The following PSD3 variants were observed in gnomAD, a reference collection of about 807,000 sequenced individuals.
PSD3 encodes pleckstrin and Sec7 domain containing 3.
PSD3 carries 49 observed loss-of-function variants against 105.5 expected under a neutral mutation model. That is an observed-to-expected ratio of 0.46 (90% CI 0.37 to 0.59). The LOEUF (loss-of-function observed/expected upper bound fraction) is 0.59, where lower values mean the gene tolerates loss of function less well. Among genes scored for constraint, PSD3 ranks in the 20% least tolerant of loss-of-function variants. The pLI is 0.00. For synonymous variants in PSD3, 557 were observed against 457.8 expected (o/e 1.22, Z -2.77); for missense variants, 1,561 against 1,263.8 (o/e 1.24, Z -3.57).
At chr8:18,763,004 A>G in intron 9 of PSD3, 1 of 938,062 alleles carries the variant, frequency 1.1e-6, no homozygotes, top group Non-Finnish European at 1.5e-6. Context: ...TGGTTTCAGC[A>G]TCTTCTCCAA....
intron 2 of PSD3, among the ~76,000 whole-genome samples, chr8:18,896,822 T>A (rs1819180439): frequency 6.6e-6 from 1 of 152,112 alleles, no homozygotes; most frequent in South Asian, 2.1e-4. Flanking sequence ...TGTTTTGTTT[T>A]GTTTTGAGAC....
chr8:19,048,321 T>G (rs910667399), intron 1 of PSD3, among the ~76,000 whole-genome samples: 13 of 152,184 alleles, frequency 8.5e-5, no homozygotes, highest in African/African-American at 3.1e-4. Flanking sequence ...CCTAAAGATG[T>G]TTTTTATGGG....
At chr8:19,074,026 G>T in intron 1 of PSD3, among the ~76,000 whole-genome samples, 1 of 152,006 alleles carries the variant, frequency 6.6e-6, no homozygotes, top group East Asian at 1.9e-4. Flanking sequence ...TCCTGACCTC[G>T]TGATCCGCCC....
chr8:18,783,039 T>A (rs1234048682), intron 8 of PSD3, among the ~76,000 whole-genome samples: 2 of 152,352 alleles, frequency 1.3e-5, no homozygotes, highest in Middle Eastern at 3.4e-3. Flanking sequence ...AAAGTGTTAC[T>A]CTTTTTTTCT....
chr8:18,602,538 A>C (rs943257025), intron 11 of PSD3, among the ~76,000 whole-genome samples: 1 of 152,298 alleles, frequency 6.6e-6, no homozygotes, highest in Middle Eastern at 3.4e-3. Flanking sequence ...AAAGATAACT[A>C]GGGAGCAATT....
At chr8:18,698,025 C>T (rs1801358483) in intron 9 of PSD3, among the ~76,000 whole-genome samples, 2 of 152,158 alleles carry the variant, frequency 1.3e-5, no homozygotes, top group Non-Finnish European at 2.9e-5. Flanking sequence ...AGAGAATTTG[C>T]AGATGTGAAT....
intron 9 of PSD3, among the ~76,000 whole-genome samples, chr8:18,679,388 C>T (rs1800256219): frequency 6.6e-6 from 1 of 152,204 alleles, no homozygotes; most frequent in African/African-American, 2.4e-5. Flanking sequence ...TTTTAAAAAG[C>T]AATGGATTAG....
chr8:18,874,300 TA>T (rs1026770781), intron 2 of PSD3, among the ~76,000 whole-genome samples: 112 of 152,128 alleles, frequency 7.4e-4, no homozygotes, highest in African/African-American at 2.6e-3. Context: ...TAGCTGGGAC[TA>T]CAGGTGCGTG....
intron 10 of PSD3, among the ~76,000 whole-genome samples, chr8:18,636,763 T>A (rs531410619): frequency 1.3e-5 from 2 of 152,358 alleles, no homozygotes; most frequent in South Asian, 2.1e-4. Context: ...CCTATAGTAT[T>A]TGGCACAGTA....
chr8:18,687,479 T>A lies in PSD3; in HGVS notation c.2173-31794A>T, dbSNP rs575791108. 2.4e-3 allele frequency among the ~76,000 whole-genome samples: 348 copies of A among 143,576 alleles called. 3 individuals carry two copies. The highest frequency in any genetic ancestry group is 9.4e-3 in the African/African-American group (334 of 35,672). 94.2% of individuals were successfully genotyped at this position (143,576 alleles called of 152,430 possible). A position where few individuals can be genotyped will look rare whatever the true frequency, so the allele number is the denominator to read the frequency against. Reference sequence around the variant, plus strand: ...AGATCCTGTCTCAAAAAAAGAAAATTTAGCAGTTTTTTTTTTTTCTGAAAA... The same window carrying A: ...AGATCCTGTCTCAAAAAAAGAAAATATAGCAGTTTTTTTTTTTTCTGAAAA... On this transcript the variant is annotated intron_variant, in intron 9 of 15. Transcript: ENST00000327040.
chr8:18,958,485 C>A (rs957916396), intron 1 of PSD3, among the ~76,000 whole-genome samples: 1 of 152,090 alleles, frequency 6.6e-6, no homozygotes, highest in East Asian at 1.9e-4. Flanking sequence ...TCTTTCTGAG[C>A]ACTCAAGGAA....
chr8:18,938,627 CAAAAA>C (rs35017140), intron 1 of PSD3, among the ~76,000 whole-genome samples: 3 of 109,472 alleles, frequency 2.7e-5, no homozygotes, highest in Non-Finnish European at 2.0e-5. Context: ...CCGTCTCAAA[CAAAAA>C]AAAAAAAAAA....
At chr8:18,871,562 G>C in intron 3 of PSD3, 64 bp downstream of exon 3, 1 of 1,516,600 alleles carries the variant, frequency 6.6e-7, no homozygotes, top group Non-Finnish European at 8.8e-7. Flanking sequence ...ATCAAGTACA[G>C]GATAACAGTT....
intron 4 of PSD3, among the ~76,000 whole-genome samples, chr8:18,806,604 A>G (rs1451774038): frequency 2.0e-5 from 3 of 152,224 alleles, no homozygotes; most frequent in Admixed American, 1.3e-4. Flanking sequence ...GAAATAATAA[A>G]TATCGTAGGC....
chr8:18,733,935 A>G (rs1803958305), intron 9 of PSD3: 1 of 152,316 alleles, frequency 6.6e-6, no homozygotes, highest in African/African-American at 2.4e-5. Context: ...CAGAAGGCCA[A>G]AACCACAGAT....
intron 11 of PSD3, among the ~76,000 whole-genome samples, chr8:18,607,900 G>A (rs1187375755): frequency 6.6e-6 from 1 of 152,062 alleles, no homozygotes; most frequent in Non-Finnish European, 1.5e-5. Flanking sequence ...GCAAGGAGAA[G>A]TGCCGAGCAA....
chr8:18,741,919 G>A (rs1269094577), intron 9 of PSD3, among the ~76,000 whole-genome samples: 2 of 151,068 alleles, frequency 1.3e-5, no homozygotes, highest in Non-Finnish European at 2.9e-5. Flanking sequence ...ACTGAAATGA[G>A]ATCTAAAAGA....
At chr8:18,984,050 C>A (rs1825376867) in intron 1 of PSD3, among the ~76,000 whole-genome samples, 1 of 146,344 alleles carries the variant, frequency 6.8e-6, no homozygotes, top group African/African-American at 2.5e-5. Context: ...CAGATCATAA[C>A]AATAGGTATA....
chr8:18,802,658 C>T (rs1036690310), intron 6 of PSD3, among the ~76,000 whole-genome samples: 2 of 152,188 alleles, frequency 1.3e-5, no homozygotes, highest in Non-Finnish European at 2.9e-5. Flanking sequence ...GTACTACACT[C>T]CAGTCCAAAC....
Sources: gnomAD v4.1 joint callset for allele counts (sites outside exome capture counted in the v4.1 genomes callset) on GRCh38, gnomAD v4.1.1 for gene constraint, MANE v1.5 for transcripts, NCBI Gene and HGNC (gene_info 2026-07-23, HGNC 2026-07-21) for gene names.